The following LIN28B variants were observed in gnomAD, a reference collection of about 807,000 sequenced individuals.
LIN28B encodes the protein lin-28 RNA binding posttranscriptional regulator B, also known as protein lin-28 homolog B.
LIN28B carries 5 observed loss-of-function variants against 21.9 expected under a neutral mutation model. The ratio of observed to expected loss-of-function variants is 0.23; its 90% CI spans 0.12 to 0.48. LIN28B has a LOEUF of 0.48. Ranked by LOEUF, LIN28B falls within the 20% of genes least tolerant of loss-of-function variation. LIN28B has a pLI of 0.98. For synonymous variants in LIN28B, 109 were observed against 111.3 expected (o/e 0.98, Z 0.13); for missense variants, 245 against 310.5 (o/e 0.79, Z 1.58).
intron 2 of LIN28B, among the ~76,000 whole-genome samples, chr6:104,996,497 A>G (rs767672699): frequency 1.6e-4 from 24 of 152,202 alleles, no homozygotes; most frequent in African/African-American, 5.8e-4. Context: ...TTCTCAGTAT[A>G]TAACAGTGAT....
chr6:105,047,628 T>C (rs1349634002), intron 3 of LIN28B, among the ~76,000 whole-genome samples: 2 of 152,224 alleles, frequency 1.3e-5, no homozygotes, highest in Non-Finnish European at 1.5e-5. Context: ...ATTTTCACGA[T>C]ATTGATTCTT....
chr6:104,960,965 T>C (rs1179142257), intron 2 of LIN28B, among the ~76,000 whole-genome samples: 1 of 152,214 alleles, frequency 6.6e-6, no homozygotes, highest in Non-Finnish European at 1.5e-5. Context: ...CTAGGTGCTG[T>C]ACTTTGTCTC....
intron 2 of LIN28B, among the ~76,000 whole-genome samples, chr6:105,004,906 C>G (rs1227381611): frequency 6.6e-6 from 1 of 152,134 alleles, no homozygotes; most frequent in Admixed American, 6.5e-5. Context: ...TGCTTGATAG[C>G]TATTGTCTCA....
intron 3 of LIN28B, among the ~76,000 whole-genome samples, chr6:105,063,019 T>TA (rs1055465750): frequency 6.6e-6 from 1 of 152,198 alleles, no homozygotes; most frequent in African/African-American, 2.4e-5. Context: ...GTTCTTTTAG[T>TA]AAAAATTTTT....
At chr6:104,943,410 G>A (rs1778120906) in intron 2 of LIN28B, among the ~76,000 whole-genome samples, 1 of 152,082 alleles carries the variant, frequency 6.6e-6, no homozygotes, top group South Asian at 2.1e-4. Context: ...TCAGGTGTGA[G>A]TGATGTCTCT....
At chr6:105,006,977 T>C (rs1293602325) in intron 2 of LIN28B, among the ~76,000 whole-genome samples, 3 of 152,238 alleles carry the variant, frequency 2.0e-5, no homozygotes, top group Non-Finnish European at 4.4e-5. Context: ...TTGTAACAAC[T>C]GTAAGGGCAT....
chr6:104,956,166 C>T (rs953747177), upstream of LIN28B, among the ~76,000 whole-genome samples: 4 of 151,718 alleles, frequency 2.6e-5, no homozygotes, highest in African/African-American at 9.7e-5. Flanking sequence ...TTTTTTCTCT[C>T]CCACCTCTTT....
At chr6:104,943,945 A>G (rs954197448) in intron 2 of LIN28B, among the ~76,000 whole-genome samples, 1 of 152,194 alleles carries the variant, frequency 6.6e-6, no homozygotes, top group Non-Finnish European at 1.5e-5. Context: ...GTATACATGT[A>G]CATTATTGTG....
At chr6:104,986,987 G>C (rs180894524) in intron 2 of LIN28B, among the ~76,000 whole-genome samples, 78 of 152,156 alleles carry the variant, frequency 5.1e-4, no homozygotes, top group Admixed American at 4.3e-3. Context: ...TTGTTTTTCA[G>C]ACATACCAAA....
intron 1 of LIN28B, 108 bp from the exon 2 acceptor site, chr6:104,957,991 T>C (rs1778314827): frequency 2.7e-6 from 2 of 731,080 alleles, no homozygotes; most frequent in South Asian, 8.2e-5. Flanking sequence ...ATTTTTTTTT[T>C]CTGTTACCCT....
chr6:104,996,574 C>A (rs2114281125), intron 2 of LIN28B, among the ~76,000 whole-genome samples: 1 of 152,212 alleles, frequency 6.6e-6, no homozygotes, highest in East Asian at 1.9e-4. Flanking sequence ...TTAGGAAGTG[C>A]TCTAGTAAGT....
intron 2 of LIN28B, among the ~76,000 whole-genome samples, chr6:104,994,100 G>A (rs1770550306): frequency 6.6e-6 from 1 of 152,066 alleles, no homozygotes; most frequent in Non-Finnish European, 1.5e-5. Context: ...CGCCTTCCAG[G>A]TTCATGCCAT....
intron 2 of LIN28B, among the ~76,000 whole-genome samples, chr6:105,021,749 T>G (rs915139198): frequency 6.6e-6 from 1 of 152,194 alleles, no homozygotes; most frequent in Non-Finnish European, 1.5e-5. Flanking sequence ...TTTGCAAATA[T>G]TTTCTCCCAT....
chr6:105,080,805 C>G lies in LIN28B; in HGVS notation c.*2022C>G, dbSNP rs1224661733. 6.6e-6 allele frequency: 1 copy of G among 152,548 alleles called. No homozygotes were observed. The highest frequency in any genetic ancestry group is 1.5e-5 in the Non-Finnish European group (1 of 68,010). The allele number at this position is 152,548 out of a possible 1,614,324, so 9.4% of individuals were successfully genotyped here. ...TTAGCAGGTATAATAAGCAGGTTAA[C>G]AGTAAAAATGCAAAACATGATAGAT... On this transcript the variant is annotated 3_prime_UTR_variant, in exon 4 of 4. Coordinates refer to ENST00000345080, the MANE Select transcript of LIN28B (RefSeq NM_001004317.4).
intron 2 of LIN28B, among the ~76,000 whole-genome samples, chr6:104,961,839 G>A (rs1769745525): frequency 6.6e-6 from 1 of 152,048 alleles, no homozygotes. Flanking sequence ...ACATTACCTG[G>A]AAAATGTTAC....
rs142137334 is a variant in LIN28B, at chr6:105,052,141, C to A, written c.383+25659C>A. ...GATTCCGAGGCATTAATGAATTGAGCATGTTTGAGGAGTGGCAGGCCAGCC... is the reference window on the plus strand; with the variant it reads ...GATTCCGAGGCATTAATGAATTGAGAATGTTTGAGGAGTGGCAGGCCAGCC... On this transcript the variant is annotated intron_variant, in intron 3 of 3. Coordinates refer to ENST00000345080, the MANE Select transcript of LIN28B (RefSeq NM_001004317.4). Among the ~76,000 whole-genome samples, 112 of 152,170 alleles carry A rather than the reference C, an allele frequency of 7.4e-4. 2 individuals carry two copies. In the East Asian group the frequency reaches 0.019, roughly 25 times the overall value.
chr6:105,067,377 A>G (rs1179962623), intron 3 of LIN28B, among the ~76,000 whole-genome samples: 1 of 152,138 alleles, frequency 6.6e-6, no homozygotes, highest in African/African-American at 2.4e-5. Context: ...TGTGGCTTTT[A>G]TTTATTTGTG....
intron 2 of LIN28B, among the ~76,000 whole-genome samples, chr6:105,002,132 G>A (rs1475327025): frequency 6.6e-6 from 1 of 150,718 alleles, no homozygotes. Context: ...TGTGATCATT[G>A]GAGCAGGCTG....
chr6:105,065,126 C>T (rs1340379281), intron 3 of LIN28B, among the ~76,000 whole-genome samples: 1 of 152,068 alleles, frequency 6.6e-6, no homozygotes, highest in Admixed American at 6.6e-5. Context: ...GGGTCACAGC[C>T]TCGAAATGTT....
Sources: gnomAD v4.1 joint callset for allele counts (sites outside exome capture counted in the v4.1 genomes callset) on GRCh38, gnomAD v4.1.1 for gene constraint, MANE v1.5 for transcripts, NCBI Gene and HGNC (gene_info 2026-07-23, HGNC 2026-07-21) for gene names.